RFT1: variants seen among roughly 807,000 people sequenced by gnomAD.
The protein encoded by RFT1 is RFT1 glycolipid translocator homolog.
RFT1 carries 43 observed loss-of-function variants against 62.2 expected under a neutral mutation model. The observed-to-expected ratio is 0.69, with a 90% confidence interval of 0.54 to 0.89. The LOEUF is 0.89. Among genes scored for constraint, RFT1 ranks in the 40% least tolerant of loss-of-function variants. RFT1 has a pLI of 0.00. For synonymous variants in RFT1, 262 were observed against 264.6 expected (o/e 0.99, Z 0.10); for missense variants, 605 against 649.9 (o/e 0.93, Z 0.75).
In RFT1 at chr3:53,090,725, A is replaced by G. The variant is rs1455844526; in HGVS notation, c.*1178T>C. 1 of 152,218 alleles carries G rather than the reference A, an allele frequency of 6.6e-6. No homozygotes were observed. The highest frequency in any genetic ancestry group is 1.5e-5 in the Non-Finnish European group (1 of 68,050). The allele number at this position is 152,218 out of a possible 1,614,324, so 9.4% of individuals were successfully genotyped here. On this transcript the variant is annotated 3_prime_UTR_variant, in exon 13 of 13. Transcript: ENST00000296292. Reference sequence around the variant, plus strand: ...AACATCCAAGTTATAGTTTGTGCATATAGTTCTGAGGGGGGTTAATATCTA... The same window carrying G: ...AACATCCAAGTTATAGTTTGTGCATGTAGTTCTGAGGGGGGTTAATATCTA...
intron 11 of RFT1, 68 bp from the exon 12 acceptor site, chr3:53,092,686 C>A: frequency 1.9e-6 from 3 of 1,540,338 alleles, no homozygotes; most frequent in East Asian, 4.7e-5. Flanking sequence ...CCCAAAACAG[C>A]GGCCATGAAC....
At chr3:53,074,566 TCCTACCA>T in the RFT1 span, among the ~76,000 whole-genome samples, 2 of 152,184 alleles carry the variant, frequency 1.3e-5, no homozygotes, top group South Asian at 4.2e-4. Context: ...CAGCCCTCTC[TCCTACCA>T]CCTATCCAGC....
chr3:53,117,228 C>T (rs1351887544), intron 6 of RFT1, among the ~76,000 whole-genome samples: 1 of 152,178 alleles, frequency 6.6e-6, no homozygotes, highest in African/African-American at 2.4e-5. Context: ...TAGTGCATGG[C>T]ACAAAACATG....
intron 11 of RFT1, among the ~76,000 whole-genome samples, chr3:53,097,858 A>G (rs940738404): frequency 1.3e-5 from 2 of 152,254 alleles, no homozygotes; most frequent in African/African-American, 4.8e-5. Flanking sequence ...ATCCATAGGG[A>G]AAGAAGAGGA....
At chr3:53,112,154 G>C (rs996739266) in intron 6 of RFT1, among the ~76,000 whole-genome samples, 1 of 152,216 alleles carries the variant, frequency 6.6e-6, no homozygotes, top group African/African-American at 2.4e-5. Context: ...GACCCCTAAA[G>C]AATTGCTGCT....
At chr3:53,128,846 C>T (rs1465562455) in intron 1 of RFT1, among the ~76,000 whole-genome samples, 1 of 152,182 alleles carries the variant, frequency 6.6e-6, no homozygotes, top group Non-Finnish European at 1.5e-5. Flanking sequence ...TCTCTCACAT[C>T]TGTTAAATTA....
rs1483602657 is a variant in RFT1 at position 53,126,041 on chromosome 3, T to G, written c.64-47A>C. 4.9e-6 allele frequency: 7 copies of G among 1,440,792 alleles called. No homozygotes were observed. The East Asian group carries it at 1.6e-4, about 33-fold the overall frequency. 89.3% of individuals were successfully genotyped at this position (1,440,792 alleles called of 1,614,324 possible). On this transcript the variant is annotated intron_variant, in intron 1 of 12. Transcript: ENST00000296292. ...ACGTAAGAATAAATGACGTTAGAAG[T>G]GTTTACTTAGCTGAAATGAGAACAA...
At chr3:53,125,495 GGT>G (rs1223115411) in intron 2 of RFT1, among the ~76,000 whole-genome samples, 2 of 130,014 alleles carry the variant, frequency 1.5e-5, no homozygotes, top group East Asian at 3.8e-4. Flanking sequence ...AGGGAAGGAA[GGT>G]GGCTGCTCCA....
At chr3:53,072,738 C>T in the RFT1 span, among the ~76,000 whole-genome samples, 1 of 152,232 alleles carries the variant, frequency 6.6e-6, no homozygotes, top group South Asian at 2.1e-4. Context: ...TTCTAGCAGG[C>T]TTGTGGTGAC....
chr3:53,113,562 A>G (rs1000821334), intron 6 of RFT1, among the ~76,000 whole-genome samples: 1 of 152,240 alleles, frequency 6.6e-6, no homozygotes, highest in African/African-American at 2.4e-5. Context: ...GTGAAGAGCA[A>G]TGCTATCCAG....
chr3:53,121,677 A>C, intron 5 of RFT1, 22 bp downstream of exon 5: 11 of 1,568,898 alleles, frequency 7.0e-6, no homozygotes, highest in Non-Finnish European at 9.6e-6. Flanking sequence ...TCATATAAAA[A>C]GTTAAAAGCC....
intron 1 of RFT1, 117 bp downstream of exon 1, chr3:53,130,221 T>C: frequency 9.8e-7 from 1 of 1,024,810 alleles, no homozygotes. Context: ...ACCCCCTCCA[T>C]TGCGGGGTCC....
intron 6 of RFT1, among the ~76,000 whole-genome samples, chr3:53,115,127 G>T (rs2107144472): frequency 6.6e-6 from 1 of 152,244 alleles, no homozygotes; most frequent in Non-Finnish European, 1.5e-5. Flanking sequence ...GGCTCCCAAT[G>T]AGCTTTTTTT....
At chr3:53,087,821 C>T (rs1559576121), downstream of RFT1, among the ~76,000 whole-genome samples, 1 of 152,296 alleles carries the variant, frequency 6.6e-6, no homozygotes, top group East Asian at 1.9e-4. Context: ...ACGCCTGGCC[C>T]GGCAAAGAAT....
chr3:53,096,525 T>C (rs980555631), intron 11 of RFT1, among the ~76,000 whole-genome samples: 5 of 151,452 alleles, frequency 3.3e-5, no homozygotes, highest in Non-Finnish European at 7.4e-5. Flanking sequence ...CTACTAAAAA[T>C]AAAAATAAAA....
At chr3:53,105,206 G>A (rs1701428460) in intron 9 of RFT1, among the ~76,000 whole-genome samples, 1 of 152,214 alleles carries the variant, frequency 6.6e-6, no homozygotes, top group Non-Finnish European at 1.5e-5. Context: ...CTGAAGTCAG[G>A]AGTTCAAGAG....
intron 10 of RFT1, among the ~76,000 whole-genome samples, chr3:53,100,485 G>A (rs1276224523): frequency 6.6e-6 from 1 of 152,116 alleles, no homozygotes; most frequent in Non-Finnish European, 1.5e-5. Flanking sequence ...TTACACAAAA[G>A]CATCTGTAGC....
rs922288787 is a variant in RFT1 at position 53,092,687 on chromosome 3, G to A, written c.1209-69C>T. On this transcript the variant is annotated intron_variant, in intron 11 of 12. Coordinates refer to ENST00000296292, the MANE Select transcript of RFT1 (RefSeq NM_052859.4). ...TGGACAAGGCTGCTCCCAAAACAGC[G>A]GCCATGAACATCAACTCACAGAAAG... 7.5e-5 allele frequency: 116 copies of A among 1,539,130 alleles called. 2 individuals are homozygous for A. The South Asian group carries it at 1.0e-3, about 14-fold the overall frequency.
intron 11 of RFT1, among the ~76,000 whole-genome samples, chr3:53,094,464 T>G (rs754969456): frequency 1.3e-5 from 2 of 152,040 alleles, no homozygotes; most frequent in African/African-American, 2.4e-5. Context: ...TATTTGCTTT[T>G]CAGTCCAGAG....
Sources: allele counts gnomAD v4.1 joint callset (sites outside exome capture counted in the v4.1 genomes callset), GRCh38; gene constraint gnomAD v4.1.1; transcripts MANE v1.5; gene names NCBI Gene and HGNC (gene_info 2026-07-23, HGNC 2026-07-21).